Variants in UGT2B4 observed in about 807,000 individuals in gnomAD.
UGT2B4 encodes the protein UDP glucuronosyltransferase family 2 member B4.
Under a neutral mutation model 49.8 loss-of-function variants are expected in UGT2B4, and 49 were observed. The ratio of observed to expected loss-of-function variants is 0.98; its 90% CI spans 0.78 to 1.25. The LOEUF (loss-of-function observed/expected upper bound fraction) is 1.25. UGT2B4 is among the 50% of genes most tolerant of loss of function. The probability of loss-of-function intolerance (pLI) is 0.00; values close to 1 mark genes in which losing one functional copy is unlikely to be tolerated. For missense variants in UGT2B4, 729 were observed against 627.7 expected, an observed-to-expected ratio of 1.16 and a Z score of -1.73; for synonymous variants, 246 against 217.7, an observed-to-expected ratio of 1.13 and a Z score of -1.14.
At chr4:69,481,810 G>C (rs932884188) in intron 5 of UGT2B4, among the ~76,000 whole-genome samples, 5 of 152,190 alleles carry the variant, frequency 3.3e-5, no homozygotes, top group Non-Finnish European at 5.9e-5. Context: ...ATTGTGTCAT[G>C]TGGGTGAAAT....
chr4:69,499,153 T>C (rs1384605310), upstream of UGT2B4, among the ~76,000 whole-genome samples: 1 of 152,114 alleles, frequency 6.6e-6, no homozygotes, highest in African/African-American at 2.4e-5. Flanking sequence ...GTTGTTCAAT[T>C]TCCCTGTAGT....
In UGT2B4 at chr4:69,483,375, G is replaced by A. The variant is rs573380690; in HGVS notation, c.1310+1833C>T. Among the ~76,000 whole-genome samples the A allele has an allele frequency of 1.4e-3, 220 of 152,108 alleles. 1 individual carries two copies. The highest frequency in any genetic ancestry group is 2.8e-3 in the Non-Finnish European group (193 of 67,924). On this transcript the variant is annotated intron_variant, in intron 5 of 5. Coordinates refer to ENST00000305107, the MANE Select transcript of UGT2B4 (RefSeq NM_021139.3). Reference sequence around the variant, plus strand: ...TGATATATAGAATACATATGTATGAGTTATATATGTGTGTGTGTGTTATGT... The same window carrying A: ...TGATATATAGAATACATATGTATGAATTATATATGTGTGTGTGTGTTATGT...
In UGT2B4 at chr4:69,480,719, A is replaced by C. The variant is rs201317023; in HGVS notation, c.1502T>G (p.Val501Gly). The C allele has an allele frequency of 2.4e-5, 38 of 1,613,952 alleles. No individual in the cohort carries two copies. The highest frequency in any genetic ancestry group is 3.1e-5 in the Non-Finnish European group (36 of 1,179,966). The change falls in exon 6 of 6, where the codon GTG becomes GGG. Residue 501 changes from valine (V) to glycine (G), a missense_variant. Physicochemically the swap from Val to Gly is moderately radical, Grantham distance 109 (BLOSUM62 -3). Coordinates refer to ENST00000305107, the MANE Select transcript of UGT2B4 (RefSeq NM_021139.3). The part of the protein sequence containing the change: ...LDVTGFLLAC[V>G]ATVIFIITKC... Reference sequence around the variant, plus strand: ...TGTGATGATGAATATCACAGTTGCCACACAGGCCAGCAGGAACCCAGTCAC... The same window carrying C: ...TGTGATGATGAATATCACAGTTGCCCCACAGGCCAGCAGGAACCCAGTCAC...
chr4:69,520,304 C>G (rs985502326), intron 1 of UGT2B4, among the ~76,000 whole-genome samples: 1 of 152,220 alleles, frequency 6.6e-6, no homozygotes, highest in Non-Finnish European at 1.5e-5. Context: ...GATGACAGCT[C>G]TCAGCCCGTA....
intron 1 of UGT2B4, among the ~76,000 whole-genome samples, chr4:69,511,403 C>T (rs1022812907): frequency 2.0e-5 from 3 of 152,108 alleles, no homozygotes; most frequent in South Asian, 4.1e-4. Flanking sequence ...CTGCATCTGC[C>T]GAGATGTTTG....
chr4:69,512,166 CT>C (rs1214574090), intron 1 of UGT2B4, among the ~76,000 whole-genome samples: 1 of 150,358 alleles, frequency 6.7e-6, no homozygotes, highest in East Asian at 1.9e-4. Context: ...TATATTATTT[CT>C]TTTTTTTCTG....
Position 69,480,526 on chromosome 4 carries a change from T to A in UGT2B4, c.*108A>T, listed in dbSNP as rs778681610. 2.7e-5 allele frequency: 41 copies of A among 1,491,416 alleles called. No homozygotes were observed. Among genetic ancestry groups the A allele is most frequent in the Admixed American group, 1.1e-4 (5 of 43,888 alleles). 92.4% of individuals were successfully genotyped at this position (1,491,416 alleles called of 1,614,324 possible). A position where few individuals can be genotyped will look rare whatever the true frequency, so the allele number is the denominator to read the frequency against. On this transcript the variant is annotated 3_prime_UTR_variant, in exon 6 of 6. Coordinates refer to ENST00000305107, the MANE Select transcript of UGT2B4 (RefSeq NM_021139.3). Reference sequence around the variant, plus strand: ...ACTTGACAAGGTAAGTTTTGAAAGATGTTTTGTCACAAGAAGAAAGGAATC... The same window carrying A: ...ACTTGACAAGGTAAGTTTTGAAAGAAGTTTTGTCACAAGAAGAAAGGAATC...
At chr4:69,525,375 A>C (rs1728956922) in intron 1 of UGT2B4, among the ~76,000 whole-genome samples, 1 of 152,220 alleles carries the variant, frequency 6.6e-6, no homozygotes, top group Non-Finnish European at 1.5e-5. Context: ...AATGCACAAA[A>C]GCAAAGGCAC....
intron 1 of UGT2B4, among the ~76,000 whole-genome samples, chr4:69,520,667 C>G (rs999675489): frequency 6.6e-6 from 1 of 152,012 alleles, no homozygotes; most frequent in Non-Finnish European, 1.5e-5. Context: ...GGCTGACACA[C>G]CAGCCCCATG....
chr4:69,488,686 T>C (rs930233204), intron 3 of UGT2B4, among the ~76,000 whole-genome samples: 2 of 151,950 alleles, frequency 1.3e-5, no homozygotes. Flanking sequence ...GAGTTGTTAA[T>C]CTCATAGTGC....
In UGT2B4 at chr4:69,486,696, C is replaced by A. The variant is rs774325063; in HGVS notation, c.1003G>T (p.Val335Phe). Reference protein sequence around the residue: ...ASALAKIPQKVLWRFDGNKPD... With the variant: ...ASALAKIPQKFLWRFDGNKPD... The stretch of plus-strand genomic sequence containing the variant: ...TTATTCCCATCAAATCTCCACAGAA[C>A]CTGTTACAGTGAAGAAAATATCTTA... The change falls in exon 4 of 6, where the codon GTT (valine) becomes TTT (phenylalanine). Residue 335 changes from valine to phenylalanine, a missense_variant and splice_region_variant. Coordinates refer to ENST00000305107, the MANE Select transcript of UGT2B4 (RefSeq NM_021139.3). The A allele has an allele frequency of 2.5e-6, 4 of 1,599,044 alleles. No individual in the cohort carries two copies. The highest frequency in any genetic ancestry group is 1.8e-5 in the Admixed American group (1 of 56,184).
At chr4:69,495,069 CT>C in intron 1 of UGT2B4, 71 bp downstream of exon 1, 5 of 1,415,046 alleles carry the variant, frequency 3.5e-6, no homozygotes, top group Non-Finnish European at 4.7e-6. Flanking sequence ...GACTTTATGG[CT>C]TTATACAAAC....
chr4:69,500,511 GGAAGGAAA>G (rs879558033), upstream of UGT2B4, among the ~76,000 whole-genome samples: 689 of 127,254 alleles, frequency 5.4e-3, 5 homozygotes, highest in Non-Finnish European at 9.4e-3. Flanking sequence ...AAAGAAGGAA[GGAAGGAAA>G]GAAAGAAAGA....
intron 5 of UGT2B4, among the ~76,000 whole-genome samples, chr4:69,481,181 A>C (rs1727581314): frequency 6.6e-6 from 1 of 150,792 alleles, no homozygotes; most frequent in South Asian, 2.1e-4. Flanking sequence ...AGGCAGGAGA[A>C]TCGCTTGAAC....
At chr4:69,502,941 G>A (rs1728379271) in intron 1 of UGT2B4, among the ~76,000 whole-genome samples, 1 of 150,922 alleles carries the variant, frequency 6.6e-6, no homozygotes, top group African/African-American at 2.4e-5. Context: ...TCTCCATCCT[G>A]GGATGATTGC....
chr4:69,523,222 G>A (rs1249147317), intron 1 of UGT2B4, among the ~76,000 whole-genome samples: 1 of 151,704 alleles, frequency 6.6e-6, no homozygotes, highest in Non-Finnish European at 1.5e-5. Context: ...CTTCTAAAAT[G>A]GTAAATACTT....
At chr4:69,505,006 C>A (rs2109823635) in intron 1 of UGT2B4, among the ~76,000 whole-genome samples, 1 of 152,140 alleles carries the variant, frequency 6.6e-6, no homozygotes, top group African/African-American at 2.4e-5. Flanking sequence ...ATTTTTTAGG[C>A]AAGCTAAGGC....
At chr4:69,482,344 A>C (rs577290403) in intron 5 of UGT2B4, among the ~76,000 whole-genome samples, 1 of 152,346 alleles carries the variant, frequency 6.6e-6, no homozygotes, top group East Asian at 1.9e-4. Context: ...ACATTTAAGC[A>C]TAAAACACAT....
rs748960146 is a variant in UGT2B4 at position 69,480,602 on chromosome 4, T to C, written c.*32A>G. On this transcript the variant is annotated 3_prime_UTR_variant, in exon 6 of 6. Transcript: ENST00000305107. ...GTAATAAACTAAAGGAGTTCATTTA[T>C]TGGGTTTCCCAGCTTCCAGCCTCAG... The C allele has an allele frequency of 1.2e-6, 2 of 1,602,872 alleles. No homozygotes were observed. The highest frequency in any genetic ancestry group is 1.7e-6 in the Non-Finnish European group (2 of 1,173,732).
Sources: gnomAD v4.1 joint callset for allele counts (sites outside exome capture counted in the v4.1 genomes callset) on GRCh38, gnomAD v4.1.1 for gene constraint, MANE v1.5 for transcripts, NCBI Gene and HGNC (gene_info 2026-07-23, HGNC 2026-07-21) for gene names.